The following SPOP variants were observed in gnomAD, a reference collection of about 807,000 sequenced individuals.
SPOP encodes the protein speckle-type POZ protein.
A neutral mutation model predicts 45.6 loss-of-function variants in SPOP; 11 were observed. The ratio of observed to expected loss-of-function variants is 0.24; its 90% confidence interval spans 0.15 to 0.40. The LOEUF (loss-of-function observed/expected upper bound fraction) is 0.40, where lower values mean the gene tolerates loss of function less well. SPOP is among the 10% of genes least tolerant of loss of function. The pLI is 1.00. For missense variants in SPOP, 152 were observed against 465.6 expected (o/e 0.33, Z 6.20); for synonymous variants, 166 against 166.3 (o/e 1.00, Z 0.01).
At chr17:49,630,615 T>G (rs1233799958) in intron 1 of SPOP, among the ~76,000 whole-genome samples, 2 of 152,192 alleles carry the variant, frequency 1.3e-5, no homozygotes, top group Non-Finnish European at 2.9e-5. Flanking sequence ...TTCTTTAAAT[T>G]TTTTTTAAAA....
intron 1 of SPOP, among the ~76,000 whole-genome samples, chr17:49,656,993 AAC>A (rs751510011): frequency 3.9e-5 from 6 of 152,068 alleles, no homozygotes; most frequent in Admixed American, 1.3e-4. Flanking sequence ...CATCCTGGCT[AAC>A]ACAGTGAAAT....
chr17:49,640,301 G>A (rs1387965104), intron 1 of SPOP, among the ~76,000 whole-genome samples: 1 of 151,672 alleles, frequency 6.6e-6, no homozygotes, highest in Non-Finnish European at 1.5e-5. Flanking sequence ...ACCTAATAGA[G>A]TAGATGTCTA....
intron 7 of SPOP, 61 bp from the exon 8 acceptor site, chr17:49,607,433 T>C (rs1038664219): frequency 6.4e-7 from 1 of 1,567,718 alleles, no homozygotes; most frequent in Middle Eastern, 1.7e-4. Context: ...TAAACTAAAC[T>C]ATTTTCATGA....
intron 1 of SPOP, among the ~76,000 whole-genome samples, chr17:49,672,505 C>T (rs570514347): frequency 4.6e-5 from 7 of 152,270 alleles, no homozygotes; most frequent in African/African-American, 7.2e-5. Flanking sequence ...CAAAGAAACA[C>T]GTACAAAGTA....
intron 1 of SPOP, among the ~76,000 whole-genome samples, chr17:49,657,709 T>C (rs2072933673): frequency 6.9e-6 from 1 of 145,520 alleles, no homozygotes; most frequent in Non-Finnish European, 1.5e-5. Flanking sequence ...TTTTTTTTTT[T>C]TTTTTTTTTG....
intron 1 of SPOP, among the ~76,000 whole-genome samples, chr17:49,673,034 AAGT>A (rs546287906): frequency 2.0e-5 from 3 of 152,190 alleles, no homozygotes; most frequent in Non-Finnish European, 4.4e-5. Flanking sequence ...GGAAAAAAAG[AAGT>A]GTCATCTTCA....
At chr17:49,673,903 T>C (rs2073168137) in intron 1 of SPOP, among the ~76,000 whole-genome samples, 1 of 152,190 alleles carries the variant, frequency 6.6e-6, no homozygotes, top group African/African-American at 2.4e-5. Context: ...TCCCAGCACT[T>C]TGGGAGGCCA....
At chr17:49,621,271 T>C (rs1017588254) in intron 3 of SPOP, among the ~76,000 whole-genome samples, 2 of 152,216 alleles carry the variant, frequency 1.3e-5, no homozygotes, top group Admixed American at 6.5e-5. Flanking sequence ...TGCTAGCATG[T>C]AGTAGATTAT....
chr17:49,627,534 G>A (rs1333875029), intron 1 of SPOP, among the ~76,000 whole-genome samples: 1 of 145,712 alleles, frequency 6.9e-6, no homozygotes, highest in Admixed American at 6.8e-5. Flanking sequence ...CTGGAGAGGT[G>A]GATTATAGGC....
Position 49,619,224 on chromosome 17 carries a change from GA to G in SPOP, c.352+9del, listed in dbSNP as rs2066747. On this transcript the variant is annotated intron_variant, in intron 4 of 9. Transcript: ENST00000504102. The surrounding 1 kb of genome is among the most constrained non-coding windows in gnomAD (Gnocchi z 4.9). ...AAACTTAAGAGTTGAACAAAGAGGA[GA>G]ACATTTACCCATAGCTTTGGTTTCT... The G allele has an allele frequency of 0.055, 88,468 of 1,614,104 alleles. 2,731 individuals are homozygous for G. Among genetic ancestry groups the G allele is most frequent in the Non-Finnish European group, 0.065 (77,149 of 1,179,982 alleles).
At chr17:49,612,741 C>A (rs1006747509) in intron 5 of SPOP, 1 of 152,214 alleles carries the variant, frequency 6.6e-6, no homozygotes, top group Non-Finnish European at 1.5e-5. Context: ...ACATCACATT[C>A]TGTTAGAAAA....
chr17:49,631,497 T>A (rs2072451184), intron 1 of SPOP, among the ~76,000 whole-genome samples: 1 of 152,180 alleles, frequency 6.6e-6, no homozygotes, highest in African/African-American at 2.4e-5. Flanking sequence ...AAATAGTAAA[T>A]TAAAAAATTT....
chr17:49,614,802 A>AGTGT (rs60134980), intron 5 of SPOP, among the ~76,000 whole-genome samples: 4,589 of 147,016 alleles, frequency 0.031, 137 homozygotes, highest in African/African-American at 0.075. Flanking sequence ...CATGCTATGA[A>AGTGT]GTGTGTGTGT....
intron 2 of SPOP, 76 bp from the exon 3 acceptor site, chr17:49,622,143 A>G: frequency 6.5e-7 from 1 of 1,547,338 alleles, no homozygotes; most frequent in East Asian, 2.3e-5. Context: ...GCAGATTATC[A>G]TTTCCCCTCC....
intron 1 of SPOP, among the ~76,000 whole-genome samples, chr17:49,677,455 G>C (rs568813846): frequency 1.3e-5 from 2 of 152,218 alleles, no homozygotes; most frequent in Non-Finnish European, 2.9e-5. Flanking sequence ...CTTTGGACAG[G>C]AGCAACAGGC....
At chr17:49,628,659 G>GT (rs2072387480) in intron 1 of SPOP, among the ~76,000 whole-genome samples, 1 of 152,184 alleles carries the variant, frequency 6.6e-6, no homozygotes, top group African/African-American at 2.4e-5. Context: ...TGTTGAAACA[G>GT]TAAGTACGTA....
chr17:49,635,711 T>C (rs962916354), intron 1 of SPOP, among the ~76,000 whole-genome samples: 2 of 147,838 alleles, frequency 1.4e-5, no homozygotes, highest in South Asian at 2.2e-4. Context: ...TTCAGCTCAC[T>C]GCAACTTCTG....
rs148925982 is a variant in SPOP at position 49,632,586 on chromosome 17, G to A, written c.-66-9710C>T. 8.4e-3 allele frequency among the ~76,000 whole-genome samples: 1,279 copies of A among 151,752 alleles called. 10 individuals carry two copies. Among genetic ancestry groups the A allele is most frequent in the Middle Eastern group, 0.017 (5 of 294 alleles). ...CGGCTCACTGCAACCTCCACCTCCC[G>A]GGTTCAAGCAATTCTCCCGCCTTAG... On this transcript the variant is annotated intron_variant, in intron 1 of 9. Transcript: ENST00000504102.
chr17:49,666,397 A>G (rs1214812812), intron 1 of SPOP, among the ~76,000 whole-genome samples: 4 of 152,030 alleles, frequency 2.6e-5, no homozygotes, highest in African/African-American at 7.2e-5. Context: ...AGAAGAAAAT[A>G]TAAGATGAAA....
Sources: gnomAD v4.1 joint callset for allele counts (sites outside exome capture counted in the v4.1 genomes callset) on GRCh38, gnomAD v4.1.1 for gene constraint, Gnocchi (gnomAD v3.1) non-coding constraint, MANE v1.5 for transcripts, NCBI Gene and HGNC (gene_info 2026-07-23, HGNC 2026-07-21) for gene names.